Variants in ZFPM2 observed in about 807,000 individuals in gnomAD.
ZFPM2 encodes the protein zinc finger protein, FOG family member 2, also known as zinc finger protein ZFPM2.
A neutral mutation model predicts 98.6 loss-of-function variants in ZFPM2; 20 were observed. The ratio of observed to expected loss-of-function variants is 0.20; its 90% CI spans 0.14 to 0.29. The LOEUF is 0.29. Ranked by LOEUF, ZFPM2 falls within the 10% of genes least tolerant of loss-of-function variation. The pLI is 1.00. For missense variants in ZFPM2, 1,310 were observed against 1,388.6 expected (o/e 0.94, Z 0.90); for synonymous variants, 518 against 502.7 (o/e 1.03, Z -0.41).
At chr8:105,506,317 A>G (rs560704500) in intron 3 of ZFPM2, among the ~76,000 whole-genome samples, 4 of 152,208 alleles carry the variant, frequency 2.6e-5, no homozygotes, top group South Asian at 2.1e-4. Flanking sequence ...TCAAGTTTTC[A>G]TCTACATACA....
At chr8:105,374,191 G>A (rs7836712) in intron 1 of ZFPM2, among the ~76,000 whole-genome samples, 12,946 of 152,090 alleles carry the variant, frequency 0.085, 1,761 homozygotes, top group African/African-American at 0.29. Flanking sequence ...GCATGACATG[G>A]CCCCAACTCT....
At chr8:105,526,405 A>G (rs1039861198) in intron 3 of ZFPM2, among the ~76,000 whole-genome samples, 22 of 152,320 alleles carry the variant, frequency 1.4e-4, no homozygotes, top group African/African-American at 4.8e-4. Context: ...AAATGCAAGA[A>G]GAATGTTAGA....
chr8:105,491,727 G>GT (rs1387951499), intron 3 of ZFPM2, among the ~76,000 whole-genome samples: 1 of 152,046 alleles, frequency 6.6e-6, no homozygotes, highest in Non-Finnish European at 1.5e-5. Flanking sequence ...AAGATTTTCT[G>GT]TTTTTTTCCC....
At chr8:105,755,913 T>A (rs1476291562) in intron 5 of ZFPM2, among the ~76,000 whole-genome samples, 2 of 152,192 alleles carry the variant, frequency 1.3e-5, no homozygotes, top group African/African-American at 2.4e-5. Context: ...AAACATGATA[T>A]GGCTATCTGT....
At chr8:105,336,017 G>A (rs1194998980) in intron 1 of ZFPM2, among the ~76,000 whole-genome samples, 1 of 151,768 alleles carries the variant, frequency 6.6e-6, no homozygotes, top group Non-Finnish European at 1.5e-5. Flanking sequence ...AAAATGCAGT[G>A]GCTGCCTATC....
intron 1 of ZFPM2, among the ~76,000 whole-genome samples, chr8:105,323,487 AT>A (rs1812065481): frequency 6.6e-6 from 1 of 151,952 alleles, no homozygotes; most frequent in Admixed American, 6.6e-5. Context: ...CGTGCCACAA[AT>A]TAAAGGAACC....
intron 5 of ZFPM2, among the ~76,000 whole-genome samples, chr8:105,760,755 T>C (rs1179834563): frequency 2.6e-5 from 4 of 152,070 alleles, no homozygotes; most frequent in Non-Finnish European, 5.9e-5. Context: ...AGATGACATT[T>C]TCAAATAGGT....
chr8:105,795,330 T>TTAAAG (rs1554582334), intron 6 of ZFPM2, among the ~76,000 whole-genome samples: 16 of 142,340 alleles, frequency 1.1e-4, no homozygotes, highest in Non-Finnish European at 2.4e-4. Flanking sequence ...CTGCAACCAT[T>TTAAAG]TCAAGTCAGA....
intron 5 of ZFPM2, among the ~76,000 whole-genome samples, chr8:105,711,983 C>G (rs1352156629): frequency 6.6e-6 from 1 of 152,016 alleles, no homozygotes; most frequent in Non-Finnish European, 1.5e-5. Context: ...TCCTAGAGGA[C>G]ATATCTTATA....
At chr8:105,341,333 C>A (rs1812427433) in intron 1 of ZFPM2, among the ~76,000 whole-genome samples, 1 of 151,848 alleles carries the variant, frequency 6.6e-6, no homozygotes, top group Non-Finnish European at 1.5e-5. Flanking sequence ...ATTGCACTGA[C>A]AATGACATGA....
intron 6 of ZFPM2, among the ~76,000 whole-genome samples, chr8:105,791,317 C>T (rs1387861773): frequency 6.6e-6 from 1 of 152,132 alleles, no homozygotes; most frequent in Non-Finnish European, 1.5e-5. Flanking sequence ...TGAATTTTGT[C>T]AAAGGCCTTT....
intron 4 of ZFPM2, among the ~76,000 whole-genome samples, chr8:105,602,804 A>C (rs2130786002): frequency 6.6e-6 from 1 of 152,200 alleles, no homozygotes; most frequent in South Asian, 2.1e-4. Flanking sequence ...ATAAAAAATT[A>C]TTTGACTGGT....
Position 105,775,327 on chromosome 8 carries a change from C to A in ZFPM2, c.533-13391C>A, listed in dbSNP as rs554651378. 2.6e-5 allele frequency among the ~76,000 whole-genome samples: 4 copies of A among 152,064 alleles called. No homozygotes were observed. The East Asian group carries it at 7.8e-4, about 30-fold the overall frequency. On this transcript the variant is annotated intron_variant, in intron 5 of 7. Transcript: ENST00000407775. ...TTCCCCCCCTCCCCTCTTCTTTTTC[C>A]CTCCACCTAATTTCAGTGCATTCCC...
intron 1 of ZFPM2, among the ~76,000 whole-genome samples, chr8:105,416,763 A>G (rs886638677): frequency 1.3e-5 from 2 of 152,092 alleles, no homozygotes; most frequent in African/African-American, 2.4e-5. Flanking sequence ...CTATAAGACT[A>G]TCTTTCTGAC....
chr8:105,542,915 T>A (rs28602844), intron 3 of ZFPM2, among the ~76,000 whole-genome samples: 2,295 of 152,176 alleles, frequency 0.015, 47 homozygotes, highest in African/African-American at 0.046. Flanking sequence ...TGTCTATGAG[T>A]GTGTGTGAAT....
At chr8:105,706,180 T>A (rs1811255381) in intron 5 of ZFPM2, among the ~76,000 whole-genome samples, 1 of 152,080 alleles carries the variant, frequency 6.6e-6, no homozygotes, top group South Asian at 2.1e-4. Flanking sequence ...TTAAGTCCAG[T>A]GATCAACTGC....
intron 6 of ZFPM2, among the ~76,000 whole-genome samples, chr8:105,797,856 T>C (rs1440553545): frequency 6.6e-6 from 1 of 152,248 alleles, no homozygotes; most frequent in Non-Finnish European, 1.5e-5. Context: ...ATTCCTCAGA[T>C]ACCTCCATCA....
chr8:105,497,282 G>A (rs1196106421), intron 3 of ZFPM2, among the ~76,000 whole-genome samples: 2 of 152,068 alleles, frequency 1.3e-5, no homozygotes, highest in East Asian at 3.9e-4. Context: ...ACCAAGCCTG[G>A]CCTAAGTGAC....
At chr8:105,634,143 G>A in intron 4 of ZFPM2, 103 bp from the exon 5 acceptor site, 1 of 842,242 alleles carries the variant, frequency 1.2e-6, no homozygotes, top group Non-Finnish European at 1.9e-6. Flanking sequence ...TATGGTTTGG[G>A]AGATTTAGTT....
Sources: gnomAD v4.1 joint callset for allele counts (sites outside exome capture counted in the v4.1 genomes callset) on GRCh38, gnomAD v4.1.1 for gene constraint, MANE v1.5 for transcripts, NCBI Gene and HGNC (gene_info 2026-07-23, HGNC 2026-07-21) for gene names.